The following HOGA1 variants were observed in gnomAD, a reference collection of about 807,000 sequenced individuals.
HOGA1 encodes the protein 4-hydroxy-2-oxoglutarate aldolase, mitochondrial.
HOGA1 carries 30 observed loss-of-function variants against 34.3 expected under a neutral mutation model. The ratio of observed to expected loss-of-function variants is 0.87; its 90% confidence interval spans 0.65 to 1.19. The LOEUF is 1.19. Among genes scored for constraint, HOGA1 ranks in the 50% most tolerant of loss-of-function variants. The pLI is 0.00. For synonymous variants in HOGA1, 161 were observed against 174.0 expected, an observed-to-expected ratio of 0.93 and a Z score of 0.59; for missense variants, 417 against 436.5, an observed-to-expected ratio of 0.96 and a Z score of 0.40.
At position 97,587,758 on chromosome 10, in the gene HOGA1, G is replaced by A. The variant is rs547501738; in HGVS notation, c.211+2844G>A. Reference sequence around the variant, plus strand: ...CCTGACCTCACGGTCCGCCGGCCTCGGCCTCCCAAAGTGCTGGGATTACAG... The same window carrying A: ...CCTGACCTCACGGTCCGCCGGCCTCAGCCTCCCAAAGTGCTGGGATTACAG... On this transcript the variant is annotated intron_variant, in intron 1 of 6. Coordinates refer to ENST00000370646, the MANE Select transcript of HOGA1 (RefSeq NM_138413.4). Among the ~76,000 whole-genome samples, 9 of 151,702 alleles carry A rather than the reference G, an allele frequency of 5.9e-5. No individual in the cohort carries two copies. The South Asian group carries it at 6.3e-4, about 11-fold the overall frequency.
intron 3 of HOGA1, 136 bp downstream of exon 3, chr10:97,599,352 A>G (rs2041098133): frequency 9.4e-7 from 1 of 1,063,396 alleles, no homozygotes; most frequent in East Asian, 2.6e-5. Context: ...CAGCTGCACG[A>G]CATTGGGAGG....
At position 97,599,203 on chromosome 10, in the gene HOGA1, A is replaced by G. The variant is rs1390349630; in HGVS notation, c.455A>G (p.His152Arg). 1.9e-6 allele frequency: 3 copies of G among 1,613,768 alleles called. No homozygotes were observed. In the African/African-American group the frequency reaches 4.0e-5, roughly 22 times the overall value. The change falls in exon 3 of 7, where the codon CAC becomes CGC. Residue 152 changes from histidine (H) to arginine (R), a missense_variant. Physicochemically the swap from His to Arg is conservative, Grantham distance 29 (BLOSUM62 0). Coordinates refer to ENST00000370646, the MANE Select transcript of HOGA1 (RefSeq NM_138413.4). ...CGCATGAGCAGTGCGGCCCTCATTC[A>G]CCACTACACCAAGGTGTGTGTGAGG... ...RGRMSSAALI[H>R]HYTKVADLSP...
intron 6 of HOGA1, 108 bp downstream of exon 6, chr10:97,602,098 C>T (rs542948680): frequency 3.2e-6 from 5 of 1,550,542 alleles, no homozygotes; most frequent in South Asian, 1.2e-5. Flanking sequence ...CTCTTCCTTT[C>T]AGAAAATCCT....
At position 97,596,507 on chromosome 10, in the gene HOGA1, G is replaced by A. The variant is rs117941330; in HGVS notation, c.212-2268G>A. 2.3e-4 allele frequency among the ~76,000 whole-genome samples: 35 copies of A among 152,240 alleles called. No homozygotes were observed. The East Asian group carries it at 5.0e-3, about 22-fold the overall frequency. On this transcript the variant is annotated intron_variant, in intron 1 of 6. Transcript: ENST00000370646. ...TTAGTCAGAGGGTGCTGGTCCAATC[G>A]TAGCTAGATTGGAGTCCTCACCCAG...
In HOGA1 at chr10:97,596,667, TC is replaced by T. The variant is rs371662499; in HGVS notation, c.212-2106del. 8.6e-4 allele frequency among the ~76,000 whole-genome samples: 117 copies of T among 136,802 alleles called. 1 individual carries two copies. Among genetic ancestry groups the T allele is most frequent in the African/African-American group, 2.7e-3 (96 of 35,156 alleles). 89.7% of individuals were successfully genotyped at this position (136,802 alleles called of 152,430 possible). The stretch of plus-strand genomic sequence containing the variant: ...CCACAGGAGCGAGAAGCTGTGTGCC[TC>T]CAGACGTTCCCTGCAATGTTACCAA... On this transcript the variant is annotated intron_variant, in intron 1 of 6. Transcript: ENST00000370646.
rs1171792440 is a variant in HOGA1, at chr10:97,599,832, C to T, written c.603+18C>T. The T allele has an allele frequency of 1.2e-5, 20 of 1,614,136 alleles. No homozygotes were observed. The highest frequency in any genetic ancestry group is 2.7e-5 in the African/African-American group (2 of 75,048). The stretch of plus-strand genomic sequence containing the variant: ...GTGGTGATGTGAGTGGCAGCAGCTC[C>T]GGGGCTGGGGTCCTCTCCTCCTTTT... On this transcript the variant is annotated intron_variant, in intron 4 of 6. Transcript: ENST00000370646.
At chr10:97,602,636 C>T (rs2041128422) in intron 6 of HOGA1, 1 of 869,680 alleles carries the variant, frequency 1.1e-6, no homozygotes, top group East Asian at 1.2e-4. Context: ...TCCTTCCTTC[C>T]TCCCTCCCTC....
At chr10:97,584,967 C>T (rs2135711499) in intron 1 of HOGA1, 53 bp downstream of exon 1, 2 of 1,488,006 alleles carry the variant, frequency 1.3e-6, no homozygotes, top group Non-Finnish European at 1.9e-6. Flanking sequence ...GGCCCTTTAG[C>T]CAGAGACCAA....
intron 1 of HOGA1, among the ~76,000 whole-genome samples, chr10:97,586,878 C>T (rs898010262): frequency 2.0e-5 from 3 of 152,218 alleles, no homozygotes; most frequent in Admixed American, 6.5e-5. Flanking sequence ...CTCACCCACA[C>T]ACCAGAGAGC....
At position 97,600,150 on chromosome 10, in the gene HOGA1, C is replaced by T. The variant is rs2135722560; in HGVS notation, c.687C>T (p.Ala229=). 1.2e-6 allele frequency: 2 copies of T among 1,614,052 alleles called. No individual in the cohort carries two copies. The highest frequency in any genetic ancestry group is 2.2e-5 in the South Asian group (2 of 91,084). The change falls in exon 5 of 7, where the codon GCC becomes GCT. Residue 229 remains alanine, a synonymous_variant. Coordinates refer to ENST00000370646, the MANE Select transcript of HOGA1 (RefSeq NM_138413.4). The part of the protein sequence containing the change: ...VLAGSAGFLM[A]SYALGAVGGV... ...CTGGATCGGCTGGCTTTCTGATGGC[C>T]AGCTATGCCTTGGGTAGGCCGCCCA...
At chr10:97,585,125 C>T (rs189080771) in intron 1 of HOGA1, among the ~76,000 whole-genome samples, 1 of 152,328 alleles carries the variant, frequency 6.6e-6, no homozygotes, top group East Asian at 1.9e-4. Context: ...TAAGCTAAAC[C>T]TCACCTGCTT....
intron 1 of HOGA1, among the ~76,000 whole-genome samples, chr10:97,596,644 A>C (rs998481705): frequency 3.3e-5 from 5 of 151,186 alleles, no homozygotes; most frequent in African/African-American, 4.9e-5. Context: ...AAGCAATCCC[A>C]CAGGAGCGAG....
At chr10:97,611,159 G>T (rs2041192316) in intron 6 of HOGA1, among the ~76,000 whole-genome samples, 1 of 152,148 alleles carries the variant, frequency 6.6e-6, no homozygotes, top group Non-Finnish European at 1.5e-5. Flanking sequence ...AGGGAGCTGG[G>T]CTGCAGACTG....
intron 5 of HOGA1, 22 bp from the exon 6 acceptor site, chr10:97,601,835 T>C (rs1370318228): frequency 2.5e-6 from 4 of 1,611,682 alleles, no homozygotes; most frequent in South Asian, 2.2e-5. Flanking sequence ...CTGGCTGATG[T>C]TCTGCGTCTT....
At chr10:97,597,791 CA>C (rs986938836) in intron 1 of HOGA1, among the ~76,000 whole-genome samples, 3 of 151,720 alleles carry the variant, frequency 2.0e-5, no homozygotes, top group Non-Finnish European at 4.4e-5. Flanking sequence ...TCCATCTCTA[CA>C]AAAAAAACTA....
At chr10:97,589,247 G>A (rs1017656429) in intron 1 of HOGA1, among the ~76,000 whole-genome samples, 15 of 151,934 alleles carry the variant, frequency 9.9e-5, no homozygotes, top group Admixed American at 8.5e-4. Context: ...GTAGTGAGGC[G>A]AGGGGCTGCA....
Position 97,588,218 on chromosome 10 carries a change from G to C in HOGA1, c.211+3304G>C, listed in dbSNP as rs1223145940. Among the ~76,000 whole-genome samples, 3 of 105,904 alleles carry C rather than the reference G, an allele frequency of 2.8e-5. No individual in the cohort carries two copies. The East Asian group carries it at 7.7e-4, about 27-fold the overall frequency. The allele number at this position is 105,904 out of a possible 152,430, so 69.5% of individuals were successfully genotyped here. On this transcript the variant is annotated intron_variant, in intron 1 of 6. Transcript: ENST00000370646. ...TTCTTTCTTTTTTTTTTTTTTTTGT[G>C]ATGGAGTCTTGCTCTGTCTCCCAGG...
intron 1 of HOGA1, 111 bp downstream of exon 1, chr10:97,585,025 T>C: frequency 1.2e-6 from 1 of 845,192 alleles, no homozygotes; most frequent in Non-Finnish European, 1.9e-6. Flanking sequence ...AGTCTGGTAC[T>C]CAGTGGGTCA....
intron 6 of HOGA1, among the ~76,000 whole-genome samples, chr10:97,606,195 G>T (rs1287327110): frequency 1.3e-5 from 2 of 150,442 alleles, no homozygotes; most frequent in Non-Finnish European, 1.5e-5. Flanking sequence ...CAGCTCCTCA[G>T]GAAGCTGAGG....
Sources: allele counts gnomAD v4.1 joint callset (sites outside exome capture counted in the v4.1 genomes callset), GRCh38; gene constraint gnomAD v4.1.1; transcripts MANE v1.5; gene names NCBI Gene and HGNC (gene_info 2026-07-23, HGNC 2026-07-21).